CAMTA1: variants seen among roughly 807,000 people sequenced by gnomAD.
The protein encoded by CAMTA1 is calmodulin-binding transcription activator 1.
A neutral mutation model predicts 170.9 loss-of-function variants in CAMTA1; 27 were observed. The observed-to-expected ratio is 0.16, with a 90% CI of 0.12 to 0.22. The LOEUF (loss-of-function observed/expected upper bound fraction) is 0.22. Among genes scored for constraint, CAMTA1 ranks in the 10% least tolerant of loss-of-function variants. The pLI, the probability that CAMTA1 is intolerant of heterozygous loss-of-function variation, is 1.00. For missense variants in CAMTA1, 1,619 were observed against 2,217.2 expected (o/e 0.73, Z 5.42); for synonymous variants, 833 against 891.5 (o/e 0.93, Z 1.17).
At chr1:7,492,421 G>C (rs1224380824) in intron 6 of CAMTA1, among the ~76,000 whole-genome samples, 2 of 152,130 alleles carry the variant, frequency 1.3e-5, no homozygotes, top group African/African-American at 4.8e-5. Flanking sequence ...ACATGAGCAA[G>C]GGTGCTCTAT....
chr1:7,075,639 G>T (rs1039040455), intron 3 of CAMTA1, among the ~76,000 whole-genome samples: 1 of 148,766 alleles, frequency 6.7e-6, no homozygotes, highest in Non-Finnish European at 1.5e-5. Context: ...TTGACTTCCC[G>T]TGGTGCACTT....
intron 3 of CAMTA1, 30 bp downstream of exon 3, chr1:6,825,240 ATTATT>A (rs747265712): frequency 2.2e-6 from 3 of 1,352,294 alleles, no homozygotes; most frequent in Non-Finnish European, 3.1e-6. Flanking sequence ...TAAGGGTATA[ATTATT>A]TTAAGGGCAA....
intron 5 of CAMTA1, among the ~76,000 whole-genome samples, chr1:7,348,851 C>T (rs559848481): frequency 3.3e-5 from 5 of 152,300 alleles, no homozygotes; most frequent in East Asian, 1.9e-4. Context: ...CAGAAAAGGA[C>T]GTCTGTGATT....
At position 7,093,019 on chromosome 1, in the gene CAMTA1, G is replaced by A. The variant is rs1321663173; in HGVS notation, c.302+1648G>A. 6.6e-6 allele frequency among the ~76,000 whole-genome samples: 1 copy of A among 152,254 alleles called. No individual in the cohort carries two copies. The highest frequency in any genetic ancestry group is 2.4e-5 in the African/African-American group (1 of 41,472). ...GCTGGGAAGGACATCCCTCCACAGA[G>A]TGGGGGCAGGGGTGGGCGGTGGAGA... On this transcript the variant is annotated intron_variant, in intron 4 of 22. Coordinates refer to ENST00000303635, the MANE Select transcript of CAMTA1 (RefSeq NM_015215.4). The surrounding 1 kb of genome is among the most constrained non-coding windows in gnomAD (Gnocchi z 4.6).
intron 6 of CAMTA1, among the ~76,000 whole-genome samples, chr1:7,615,470 C>A (rs889316749): frequency 1.3e-5 from 2 of 152,202 alleles, no homozygotes; most frequent in Non-Finnish European, 2.9e-5. Context: ...CATCAGTTTT[C>A]TTGGCCATAA....
At chr1:7,622,963 T>A (rs879661310) in intron 6 of CAMTA1, among the ~76,000 whole-genome samples, 11 of 152,226 alleles carry the variant, frequency 7.2e-5, no homozygotes, top group Non-Finnish European at 1.3e-4. Flanking sequence ...TCGTCCCTAT[T>A]CCCTGTGCCT....
chr1:7,087,312 A>G (rs894110419), intron 3 of CAMTA1, among the ~76,000 whole-genome samples: 2 of 152,212 alleles, frequency 1.3e-5, no homozygotes, highest in Non-Finnish European at 2.9e-5. Flanking sequence ...CCATGGAGAC[A>G]AGGAATTTTG....
At chr1:6,855,807 A>T (rs977198443) in intron 3 of CAMTA1, among the ~76,000 whole-genome samples, 1 of 152,282 alleles carries the variant, frequency 6.6e-6, no homozygotes, top group South Asian at 2.1e-4. Flanking sequence ...ATAGCAGATA[A>T]ACAGAGCAAC....
intron 4 of CAMTA1, among the ~76,000 whole-genome samples, chr1:7,179,360 G>C (rs1395253097): frequency 6.6e-6 from 1 of 152,150 alleles, no homozygotes; most frequent in African/African-American, 2.4e-5. Context: ...GGCAGATGAA[G>C]TGGAAAAAAA....
chr1:7,496,068 G>T (rs889309494), intron 6 of CAMTA1, among the ~76,000 whole-genome samples: 2 of 152,176 alleles, frequency 1.3e-5, no homozygotes, highest in Non-Finnish European at 2.9e-5. Context: ...CCAGGGAGCC[G>T]GAGGGGAGCG....
chr1:7,383,889 T>C (rs1273293365), intron 5 of CAMTA1, among the ~76,000 whole-genome samples: 4 of 152,114 alleles, frequency 2.6e-5, no homozygotes, highest in Non-Finnish European at 5.9e-5. Flanking sequence ...AATGACACCC[T>C]CGGTGCGGGT....
intron 3 of CAMTA1, among the ~76,000 whole-genome samples, chr1:6,826,985 C>T (rs1285174506): frequency 2.0e-5 from 3 of 152,126 alleles, no homozygotes; most frequent in South Asian, 2.1e-4. Flanking sequence ...ATATTAGATA[C>T]GTTTTAAAGC....
chr1:7,228,236 A>G (rs1662058808), intron 4 of CAMTA1, among the ~76,000 whole-genome samples: 3 of 152,224 alleles, frequency 2.0e-5, no homozygotes, highest in African/African-American at 7.2e-5. Context: ...ATGTATGGTT[A>G]TCGAAATCCA....
chr1:7,510,370 C>T (rs1243935048), intron 6 of CAMTA1, among the ~76,000 whole-genome samples: 2 of 145,424 alleles, frequency 1.4e-5, no homozygotes, highest in African/African-American at 4.9e-5. Context: ...AGGGTCCATC[C>T]CACCTCTGAC....
At chr1:7,654,750 C>A (rs373709352) in intron 7 of CAMTA1, among the ~76,000 whole-genome samples, 2 of 72,174 alleles carry the variant, frequency 2.8e-5, no homozygotes, top group African/African-American at 8.9e-5. Context: ...TATACACACA[C>A]ATATACAAAC....
Position 7,685,058 on chromosome 1 carries a change from G to GCAGGCACC in CAMTA1, c.2914+7326_2914+7333dup, listed in dbSNP as rs2096246833. Among the ~76,000 whole-genome samples the GCAGGCACC allele has an allele frequency of 6.6e-6, 1 of 151,802 alleles. No individual in the cohort carries two copies. Among genetic ancestry groups the GCAGGCACC allele is most frequent in the Non-Finnish European group, 1.5e-5 (1 of 67,914 alleles). ...ACAGGTGGCATGTTTTGAGGAGTTC[G>GCAGGCACC]CAGGCACCGTCCCGTGGTCACAGGT... On this transcript the variant is annotated intron_variant, in intron 11 of 22. Coordinates refer to ENST00000303635, the MANE Select transcript of CAMTA1 (RefSeq NM_015215.4). This position sits in a 1 kb window ranked among gnomAD's most constrained non-coding sequence, Gnocchi z 5.7.
intron 5 of CAMTA1, among the ~76,000 whole-genome samples, chr1:7,321,574 T>C (rs1678427286): frequency 6.6e-6 from 1 of 152,210 alleles, no homozygotes. Context: ...CATTGTAGCA[T>C]GCCCAAGCTC....
In CAMTA1 at chr1:6,937,424, CCATCATCACCAT is replaced by C. The variant is rs1250291846; in HGVS notation, c.234+112233_234+112244del. 9.9e-5 allele frequency among the ~76,000 whole-genome samples: 15 copies of C among 151,764 alleles called. 1 individual carries two copies. The highest frequency in any genetic ancestry group is 2.9e-4 in the African/African-American group (12 of 41,352). On this transcript the variant is annotated intron_variant, in intron 3 of 22. Coordinates refer to ENST00000303635, the MANE Select transcript of CAMTA1 (RefSeq NM_015215.4). The stretch of plus-strand genomic sequence containing the variant: ...ACCATCACCATCATCATCACCACTA[CCATCATCACCAT>C]CATCATCACCATCATCATTCACCAC...
intron 4 of CAMTA1, among the ~76,000 whole-genome samples, chr1:7,187,895 T>C (rs1309442719): frequency 6.6e-6 from 1 of 152,218 alleles, no homozygotes; most frequent in Non-Finnish European, 1.5e-5. Context: ...GGATGGGCCC[T>C]GTATTAGTCT....
Sources: gnomAD v4.1 joint callset for allele counts (sites outside exome capture counted in the v4.1 genomes callset) on GRCh38, gnomAD v4.1.1 for gene constraint, Gnocchi (gnomAD v3.1) non-coding constraint, MANE v1.5 for transcripts, NCBI Gene and HGNC (gene_info 2026-07-23, HGNC 2026-07-21) for gene names.